Variants in CLYBL observed in about 807,000 individuals in gnomAD.
The protein encoded by CLYBL is citramalyl-CoA lyase, also known as citramalyl-CoA lyase, mitochondrial.
CLYBL carries 31 observed loss-of-function variants against 38.9 expected under a neutral mutation model. The ratio of observed to expected loss-of-function variants is 0.80; its 90% CI spans 0.60 to 1.08. The LOEUF is 1.08. CLYBL is among the 50% of genes least tolerant of loss of function. CLYBL has a pLI of 0.00. For missense variants in CLYBL, 434 were observed against 411.6 expected (o/e 1.05, Z -0.47); for synonymous variants, 171 against 158.6 (o/e 1.08, Z -0.59).
At chr13:99,608,336 G>A (rs1238267986) in intron 1 of CLYBL, among the ~76,000 whole-genome samples, 3 of 152,176 alleles carry the variant, frequency 2.0e-5, no homozygotes, top group South Asian at 2.1e-4. Flanking sequence ...GCCTCCCAAA[G>A]TGTTGGGATT....
At chr13:99,712,581 C>T (rs1375810394) in intron 1 of CLYBL, among the ~76,000 whole-genome samples, 1 of 151,684 alleles carries the variant, frequency 6.6e-6, no homozygotes, top group African/African-American at 2.4e-5. Flanking sequence ...GTCTGGAGCT[C>T]AAGAATCTCC....
At chr13:99,621,933 G>C (rs574132698) in intron 1 of CLYBL, among the ~76,000 whole-genome samples, 1 of 152,320 alleles carries the variant, frequency 6.6e-6, no homozygotes, top group Admixed American at 6.5e-5. Context: ...CCTAGGTTTT[G>C]TGGGCTGAAA....
chr13:99,668,286 T>C (rs1384727367), intron 1 of CLYBL, among the ~76,000 whole-genome samples: 1 of 93,734 alleles, frequency 1.1e-5, no homozygotes, highest in Non-Finnish European at 2.3e-5. Flanking sequence ...AAAAAAAAAA[T>C]CTTTAATAGA....
At chr13:99,654,657 A>G (rs533333964) in intron 1 of CLYBL, among the ~76,000 whole-genome samples, 7 of 152,354 alleles carry the variant, frequency 4.6e-5, no homozygotes, top group Admixed American at 1.3e-4. Flanking sequence ...AAAGCCAGTA[A>G]TGTGCCAGAT....
chr13:99,655,426 C>G (rs879346071), intron 1 of CLYBL, among the ~76,000 whole-genome samples: 2 of 152,168 alleles, frequency 1.3e-5, no homozygotes, highest in Non-Finnish European at 2.9e-5. Flanking sequence ...TTCACGTGCC[C>G]ACATGCAAAG....
chr13:99,887,292 C>T (rs930097242), intron 7 of CLYBL, among the ~76,000 whole-genome samples: 4 of 152,168 alleles, frequency 2.6e-5, no homozygotes, highest in Non-Finnish European at 5.9e-5. Flanking sequence ...TCAGAGAACC[C>T]TTTTCAATCA....
chr13:99,789,409 A>T (rs1440133754), intron 2 of CLYBL, among the ~76,000 whole-genome samples: 1 of 152,068 alleles, frequency 6.6e-6, no homozygotes, highest in East Asian at 1.9e-4. Flanking sequence ...CTTTGTTCTC[A>T]TTGGTTTCAA....
intron 2 of CLYBL, among the ~76,000 whole-genome samples, chr13:99,788,476 G>C (rs1309752073): frequency 6.6e-6 from 1 of 152,094 alleles, no homozygotes; most frequent in Non-Finnish European, 1.5e-5. Flanking sequence ...TTTTGTCTTT[G>C]GTTCTGTTTA....
intron 1 of CLYBL, among the ~76,000 whole-genome samples, chr13:99,609,365 C>T (rs376312720): frequency 5.3e-5 from 8 of 151,732 alleles, no homozygotes; most frequent in East Asian, 3.9e-4. Context: ...TTAGTAGAGA[C>T]GGGGTTTCAC....
chr13:99,891,403 A>G lies in CLYBL; in HGVS notation c.1013A>G (p.Lys338Arg), dbSNP rs531038697. 1.6e-5 allele frequency: 25 copies of G among 1,612,296 alleles called. No individual in the cohort carries two copies. The highest frequency in any genetic ancestry group is 1.3e-4 in the Admixed American group (8 of 59,994). Reference sequence around the variant, plus strand: ...ACTGTTACGCTTGCCACCTCCATCAAGGAAAAATGATCTGTTAAATGAAGC... The same window carrying G: ...ACTGTTACGCTTGCCACCTCCATCAGGGAAAAATGATCTGTTAAATGAAGC... ...QNTVTLATSI[K>R]EK Residue 338 changes from lysine to arginine, a missense_variant, in exon 8 of 9, where the codon AAG becomes AGG. Coordinates refer to ENST00000339105, the MANE Select transcript of CLYBL (RefSeq NM_206808.5).
At chr13:99,674,244 C>T (rs181363740) in intron 1 of CLYBL, among the ~76,000 whole-genome samples, 55 of 147,266 alleles carry the variant, frequency 3.7e-4, no homozygotes, top group Admixed American at 3.2e-3. Flanking sequence ...CTCCGCCTCG[C>T]AGGTTCAAGC....
intron 2 of CLYBL, among the ~76,000 whole-genome samples, chr13:99,828,514 G>A (rs1230211469): frequency 6.6e-6 from 1 of 152,128 alleles, no homozygotes. Context: ...TTATTTGGGT[G>A]TATTTTGAAA....
Position 99,639,661 on chromosome 13 carries a change from G to A in CLYBL, c.62+32904G>A, listed in dbSNP as rs552518784. Among the ~76,000 whole-genome samples the A allele has an allele frequency of 2.6e-5, 4 of 152,340 alleles. No homozygotes were observed. The East Asian group carries it at 5.8e-4, about 22-fold the overall frequency. ...TAATACCAGCACTTTGGGAGACCGA[G>A]GTAGGAGGATTGCTTGAGGCCAGGA... On this transcript the variant is annotated intron_variant, in intron 1 of 8. Transcript: ENST00000339105.
chr13:99,634,714 A>G lies in CLYBL; in HGVS notation c.62+27957A>G, dbSNP rs148360938. Among the ~76,000 whole-genome samples the G allele has an allele frequency of 2.5e-3, 376 of 152,288 alleles. 3 individuals are homozygous for G. Among genetic ancestry groups the G allele is most frequent in the African/African-American group, 8.7e-3 (363 of 41,550 alleles). On this transcript the variant is annotated intron_variant, in intron 1 of 8. Transcript: ENST00000339105. ...CATGAAATAGCTAGGAAAAATAGAG[A>G]TACTTGATACAAGATGAGAAAATAA...
At chr13:99,698,586 A>T (rs923218990) in intron 1 of CLYBL, among the ~76,000 whole-genome samples, 3 of 152,208 alleles carry the variant, frequency 2.0e-5, no homozygotes, top group African/African-American at 7.2e-5. Context: ...AAGTAATTTT[A>T]TTAACTGAGG....
At chr13:99,892,280 G>A (rs761144611) in intron 8 of CLYBL, 163 bp from the exon 9 acceptor site, 3 of 152,208 alleles carry the variant, frequency 2.0e-5, no homozygotes, top group African/African-American at 7.2e-5. Context: ...TGGCCCCTGC[G>A]AGATTTGCAT....
intron 1 of CLYBL, among the ~76,000 whole-genome samples, chr13:99,654,873 C>T (rs1367643744): frequency 5.3e-5 from 8 of 151,704 alleles, no homozygotes; most frequent in South Asian, 2.1e-4. Context: ...GGCATGGTGG[C>T]GGGCGCCTGT....
chr13:99,655,126 A>C (rs2047311969), intron 1 of CLYBL, among the ~76,000 whole-genome samples: 1 of 146,422 alleles, frequency 6.8e-6, no homozygotes, highest in South Asian at 2.2e-4. Context: ...TCCAGGGTGG[A>C]GTGCAGTGGC....
intron 1 of CLYBL, among the ~76,000 whole-genome samples, chr13:99,671,467 A>G (rs2047563453): frequency 6.6e-6 from 1 of 152,116 alleles, no homozygotes; most frequent in African/African-American, 2.4e-5. Context: ...AGAGACTGAA[A>G]CAGAAAAGCT....
Sources: allele counts gnomAD v4.1 joint callset (sites outside exome capture counted in the v4.1 genomes callset), GRCh38; gene constraint gnomAD v4.1.1; transcripts MANE v1.5; gene names NCBI Gene and HGNC (gene_info 2026-07-23, HGNC 2026-07-21).